CORIN: variants seen among roughly 807,000 people sequenced by gnomAD.
CORIN encodes atrial natriuretic peptide-converting enzyme.
CORIN carries 117 observed loss-of-function variants against 125.3 expected under a neutral mutation model. The ratio of observed to expected loss-of-function variants is 0.93; its 90% confidence interval spans 0.80 to 1.09. The LOEUF (loss-of-function observed/expected upper bound fraction) is 1.09. CORIN is among the 50% of genes least tolerant of loss of function. CORIN has a pLI of 0.00. For missense variants in CORIN, 1,253 were observed against 1,306.7 expected (o/e 0.96, Z 0.63); for synonymous variants, 450 against 466.4 (o/e 0.96, Z 0.45).
At chr4:47,770,290 A>G (rs998325670) in intron 3 of CORIN, among the ~76,000 whole-genome samples, 3 of 152,302 alleles carry the variant, frequency 2.0e-5, no homozygotes, top group Admixed American at 2.0e-4. Flanking sequence ...AATGCAAATT[A>G]AAACCATAAT....
intron 13 of CORIN, among the ~76,000 whole-genome samples, chr4:47,646,034 C>T (rs1723462479): frequency 8.4e-6 from 1 of 118,492 alleles, no homozygotes; most frequent in Admixed American, 9.5e-5. Context: ...CCGCAACCTC[C>T]ACCTGTCTCA....
intron 8 of CORIN, chr4:47,679,464 T>C (rs898359535): frequency 6.6e-6 from 1 of 152,092 alleles, no homozygotes; most frequent in African/African-American, 2.4e-5. Context: ...CCCTGGTTCA[T>C]GCCAGTCTCC....
chr4:47,675,738 C>T (rs1012179734), intron 9 of CORIN, among the ~76,000 whole-genome samples: 3 of 152,036 alleles, frequency 2.0e-5, no homozygotes, highest in Admixed American at 6.6e-5. Flanking sequence ...TTTATTTTTA[C>T]TTATTTATTG....
At chr4:47,640,481 G>A (rs1190482078) in intron 16 of CORIN, among the ~76,000 whole-genome samples, 1 of 152,170 alleles carries the variant, frequency 6.6e-6, no homozygotes, top group Non-Finnish European at 1.5e-5. Flanking sequence ...CTGGTCCAGT[G>A]GGTACGAGAA....
At position 47,776,453 on chromosome 4, in the gene CORIN, C is replaced by T. The variant is rs540435239; in HGVS notation, c.409+10272G>A. On this transcript the variant is annotated intron_variant, in intron 3 of 21. Coordinates refer to ENST00000273857, the MANE Select transcript of CORIN (RefSeq NM_006587.4). ...CCATTTCTTTCCCACAGCAACCTCC[C>T]ATATTATTCATTTAAAAAAATTTCT... is the stretch of plus-strand genomic sequence containing the variant. Among the ~76,000 whole-genome samples, 48 of 152,234 alleles carry T rather than the reference C, an allele frequency of 3.2e-4. No individual in the cohort carries two copies. In the South Asian group the frequency reaches 1.0e-2, roughly 32 times the overall value.
intron 1 of CORIN, among the ~76,000 whole-genome samples, chr4:47,821,745 C>T (rs929946727): frequency 6.6e-6 from 1 of 152,076 alleles, no homozygotes; most frequent in Non-Finnish European, 1.5e-5. Flanking sequence ...TACTTTGAGA[C>T]AAAACCAAAC....
intron 12 of CORIN, among the ~76,000 whole-genome samples, chr4:47,656,223 T>A (rs919757765): frequency 6.6e-6 from 1 of 151,460 alleles, no homozygotes; most frequent in Admixed American, 6.6e-5. Context: ...TGGCATGATC[T>A]TGGCTCACTG....
chr4:47,713,828 G>A (rs1056532658), intron 5 of CORIN, among the ~76,000 whole-genome samples: 3 of 152,008 alleles, frequency 2.0e-5, no homozygotes, highest in Admixed American at 6.6e-5. Flanking sequence ...CCAAAAGAGG[G>A]CCTCAGGGAA....
At chr4:47,748,497 T>C (rs1728762465) in intron 4 of CORIN, among the ~76,000 whole-genome samples, 1 of 152,220 alleles carries the variant, frequency 6.6e-6, no homozygotes. Flanking sequence ...TCTATAATTA[T>C]TTGTTCAAAC....
intron 2 of CORIN, among the ~76,000 whole-genome samples, chr4:47,796,506 T>A (rs1220200994): frequency 6.6e-6 from 1 of 152,112 alleles, no homozygotes; most frequent in Non-Finnish European, 1.5e-5. Flanking sequence ...CTATACAACA[T>A]AGTGACTATG....
At chr4:47,618,191 G>A (rs796236306) in intron 19 of CORIN, among the ~76,000 whole-genome samples, 6 of 152,062 alleles carry the variant, frequency 3.9e-5, no homozygotes, top group African/African-American at 1.4e-4. Context: ...AAAATTAGCT[G>A]AGCATGGTGG....
chr4:47,629,868 T>C (rs1242422984), intron 16 of CORIN, among the ~76,000 whole-genome samples: 1 of 152,092 alleles, frequency 6.6e-6, no homozygotes, highest in Non-Finnish European at 1.5e-5. Context: ...ATTTCCCATT[T>C]TGGAGATGAA....
At chr4:47,686,149 A>G (rs897135857) in intron 6 of CORIN, among the ~76,000 whole-genome samples, 2 of 150,862 alleles carry the variant, frequency 1.3e-5, no homozygotes, top group Non-Finnish European at 2.9e-5. Context: ...TGAATCATAA[A>G]TTACTGTTTC....
At chr4:47,749,409 T>C (rs1419379765) in intron 4 of CORIN, among the ~76,000 whole-genome samples, 4 of 152,220 alleles carry the variant, frequency 2.6e-5, no homozygotes, top group African/African-American at 7.2e-5. Context: ...CACTGGCTAA[T>C]AGACAGCTAG....
chr4:47,681,254 A>G (rs1725265987), intron 7 of CORIN: 1 of 152,272 alleles, frequency 6.6e-6, no homozygotes, highest in African/African-American at 2.4e-5. Context: ...AGAGGAAAGT[A>G]TAGGGAGGAC....
At chr4:47,704,542 A>C (rs944053831) in intron 5 of CORIN, among the ~76,000 whole-genome samples, 2 of 152,100 alleles carry the variant, frequency 1.3e-5, no homozygotes, top group Admixed American at 6.5e-5. Context: ...AGGGGAAGAA[A>C]TGTACAGAAA....
chr4:47,763,665 T>A lies in CORIN; in HGVS notation c.410-79A>T, dbSNP rs9995873. Reference sequence around the variant, plus strand: ...TGCAAACTCATTTAATATTTGTTTATAAGATAAAGTATACTTATCACAAGA... The same window carrying A: ...TGCAAACTCATTTAATATTTGTTTAAAAGATAAAGTATACTTATCACAAGA... On this transcript the variant is annotated intron_variant, in intron 3 of 21. Transcript: ENST00000273857. 0.012 allele frequency: 15,650 copies of A among 1,277,318 alleles called. 1,237 individuals are homozygous for A. In the African/African-American group the frequency reaches 0.19, roughly 15 times the overall value. The allele number at this position is 1,277,318 out of a possible 1,614,324, so 79.1% of individuals were successfully genotyped here.
intron 16 of CORIN, among the ~76,000 whole-genome samples, chr4:47,634,194 G>A (rs1260617681): frequency 6.6e-6 from 1 of 152,160 alleles, no homozygotes; most frequent in African/African-American, 2.4e-5. Flanking sequence ...CTTCTGTGTT[G>A]TGGGGAGGAG....
intron 5 of CORIN, among the ~76,000 whole-genome samples, chr4:47,719,559 T>C (rs966374773): frequency 6.6e-6 from 1 of 152,246 alleles, no homozygotes; most frequent in Non-Finnish European, 1.5e-5. Context: ...AATGCAGTTT[T>C]GTTTTCTATC....
Sources: gnomAD v4.1 joint callset for allele counts (sites outside exome capture counted in the v4.1 genomes callset) on GRCh38, gnomAD v4.1.1 for gene constraint, MANE v1.5 for transcripts, NCBI Gene and HGNC (gene_info 2026-07-23, HGNC 2026-07-21) for gene names.